Variants in BMERB1 observed in about 807,000 individuals in gnomAD.
BMERB1 encodes the protein bMERB domain-containing protein 1.
In BMERB1, 12 loss-of-function variants were observed where a neutral mutation model predicts 23.6. The ratio of observed to expected loss-of-function variants is 0.51; its 90% CI spans 0.33 to 0.82. The LOEUF (loss-of-function observed/expected upper bound fraction) is 0.82, where lower values mean the gene tolerates loss of function less well. Ranked by LOEUF, BMERB1 falls within the 40% of genes least tolerant of loss-of-function variation. BMERB1 has a pLI of 0.03. For synonymous variants in BMERB1, 122 were observed against 96.6 expected (o/e 1.26, Z -1.54); for missense variants, 247 against 255.4 (o/e 0.97, Z 0.22).
intron 1 of BMERB1, among the ~76,000 whole-genome samples, chr16:15,512,167 A>T (rs2051676333): frequency 6.6e-6 from 1 of 152,136 alleles, no homozygotes; most frequent in Non-Finnish European, 1.5e-5. Context: ...GGAAGCAGAT[A>T]ATTTTGGCAC....
intron 1 of BMERB1, among the ~76,000 whole-genome samples, chr16:15,504,451 T>A (rs895678582): frequency 6.6e-6 from 1 of 152,026 alleles, no homozygotes; most frequent in African/African-American, 2.4e-5. Flanking sequence ...TTAAATTTTT[T>A]TTTTTTTTTT....
At chr16:15,447,274 C>T (rs866025747) in intron 1 of BMERB1, among the ~76,000 whole-genome samples, 7 of 152,100 alleles carry the variant, frequency 4.6e-5, no homozygotes, top group African/African-American at 1.4e-4. Flanking sequence ...AAAATCATGG[C>T]GGAAGGCACA....
chr16:15,533,608 TG>T (rs2051991637), intron 2 of BMERB1, among the ~76,000 whole-genome samples: 2 of 152,168 alleles, frequency 1.3e-5, no homozygotes, highest in Admixed American at 6.6e-5. Context: ...TTGCTCAGTC[TG>T]GGCCAATCAG....
chr16:15,446,270 C>T (rs2050988337), intron 1 of BMERB1, among the ~76,000 whole-genome samples: 3 of 152,040 alleles, frequency 2.0e-5, no homozygotes, highest in Non-Finnish European at 4.4e-5. Context: ...ATGATGTGCA[C>T]CTGTAGTCCT....
chr16:15,534,839 C>T (rs555154323), intron 2 of BMERB1, among the ~76,000 whole-genome samples: 4 of 152,266 alleles, frequency 2.6e-5, no homozygotes, highest in East Asian at 1.9e-4. Flanking sequence ...TAAGAAGCCA[C>T]GGCACCAATT....
At chr16:15,490,712 C>T (rs2051412635) in intron 1 of BMERB1, among the ~76,000 whole-genome samples, 1 of 152,244 alleles carries the variant, frequency 6.6e-6, no homozygotes, top group South Asian at 2.1e-4. Flanking sequence ...GTGCGAACAG[C>T]ACCTTCCCGG....
At chr16:15,521,022 C>T (rs753939135) in intron 2 of BMERB1, among the ~76,000 whole-genome samples, 5 of 151,950 alleles carry the variant, frequency 3.3e-5, no homozygotes, top group South Asian at 2.1e-4. Context: ...TGATTGCTTC[C>T]TTGCTCCTCC....
At chr16:15,458,014 T>C (rs1466789393) in intron 1 of BMERB1, among the ~76,000 whole-genome samples, 1 of 152,142 alleles carries the variant, frequency 6.6e-6, no homozygotes, top group Non-Finnish European at 1.5e-5. Context: ...GAGAACAGCA[T>C]AGGGAAAACC....
intron 1 of BMERB1, among the ~76,000 whole-genome samples, chr16:15,502,968 TAATGC>T (rs1222373419): frequency 6.6e-6 from 1 of 152,196 alleles, no homozygotes; most frequent in African/African-American, 2.4e-5. Flanking sequence ...ATGGCAGGAA[TAATGC>T]TACTGACCAC....
At chr16:15,533,267 T>G (rs2051987401) in intron 2 of BMERB1, 1 of 186,418 alleles carries the variant, frequency 5.4e-6, no homozygotes, top group Non-Finnish European at 1.1e-5. Flanking sequence ...AGGGGGAGAT[T>G]AGAGGGTGGA....
intron 1 of BMERB1, among the ~76,000 whole-genome samples, chr16:15,509,908 G>T (rs1182796076): frequency 1.3e-5 from 2 of 152,146 alleles, no homozygotes; most frequent in Non-Finnish European, 1.5e-5. Context: ...CATTGGATTA[G>T]GGTGGGCCCT....
rs543662925 is a variant in BMERB1 at position 15,436,619 on chromosome 16, C to CA, written c.106+1861dup. On this transcript the variant is annotated intron_variant, in intron 1 of 5. Coordinates refer to ENST00000300006, the MANE Select transcript of BMERB1 (RefSeq NM_033201.3). ...GACTGTAGTCATCGTGTTGTGCTAT[C>CA]AGATACTAGATCTTATTCATTCTAT... 1.2e-4 allele frequency among the ~76,000 whole-genome samples: 18 copies of CA among 152,178 alleles called. No individual in the cohort carries two copies. In the East Asian group the frequency reaches 2.7e-3, roughly 23 times the overall value.
chr16:15,478,880 A>G (rs1373010961), intron 1 of BMERB1, among the ~76,000 whole-genome samples: 1 of 152,196 alleles, frequency 6.6e-6, no homozygotes, highest in African/African-American at 2.4e-5. Context: ...GCTCTTCTGG[A>G]TGATGGAATG....
chr16:15,586,203 T>G lies in BMERB1; in HGVS notation c.503-514T>G, dbSNP rs76188927. On this transcript the variant is annotated intron_variant, in intron 5 of 5. Transcript: ENST00000300006. ...CAAAGAGAAAAAGAGATGAGAAATA[T>G]GAAAGAGAAGTTATAAAACCGAGAG... Among the ~76,000 whole-genome samples the G allele has an allele frequency of 7.1e-3, 1,073 of 151,708 alleles. 11 individuals carry two copies. Among genetic ancestry groups the G allele is most frequent in the African/African-American group, 0.024 (1,010 of 41,414 alleles).
At chr16:15,580,708 C>A in intron 3 of BMERB1, among the ~76,000 whole-genome samples, 1 of 151,680 alleles carries the variant, frequency 6.6e-6, no homozygotes, top group Admixed American at 6.6e-5. Context: ...CCACCACACC[C>A]GGCGAATTTT....
chr16:15,551,818 C>A (rs947999557), intron 2 of BMERB1, among the ~76,000 whole-genome samples: 1 of 152,124 alleles, frequency 6.6e-6, no homozygotes, highest in Non-Finnish European at 1.5e-5. Flanking sequence ...TCTTACGTGG[C>A]GGCAGGAGAG....
intron 2 of BMERB1, among the ~76,000 whole-genome samples, chr16:15,519,310 T>C (rs1178490070): frequency 1.3e-5 from 2 of 152,222 alleles, no homozygotes; most frequent in Non-Finnish European, 2.9e-5. Context: ...GCCCATCAGC[T>C]GCTGCAGAGA....
chr16:15,508,680 A>C (rs187234909), intron 1 of BMERB1, among the ~76,000 whole-genome samples: 1 of 151,910 alleles, frequency 6.6e-6, no homozygotes, highest in African/African-American at 2.4e-5. Context: ...AAAAAAAGTC[A>C]CTGGGTGTGG....
chr16:15,456,834 C>CT (rs940747807), intron 1 of BMERB1, among the ~76,000 whole-genome samples: 11 of 151,262 alleles, frequency 7.3e-5, no homozygotes, highest in Middle Eastern at 3.4e-3. Context: ...TATAAATTCA[C>CT]TTTTTTTTTG....
Sources: allele counts gnomAD v4.1 joint callset (sites outside exome capture counted in the v4.1 genomes callset), GRCh38; gene constraint gnomAD v4.1.1; transcripts MANE v1.5; gene names NCBI Gene and HGNC (gene_info 2026-07-23, HGNC 2026-07-21).